Variants in ZNF280D observed in about 807,000 individuals in gnomAD.
The protein encoded by ZNF280D is suppressor of hairy wing homolog 4.
A neutral mutation model predicts 94.7 loss-of-function variants in ZNF280D; 39 were observed. The observed-to-expected ratio is 0.41, with a 90% CI of 0.32 to 0.54. ZNF280D has a LOEUF of 0.54. Among genes scored for constraint, ZNF280D ranks in the 20% least tolerant of loss-of-function variants. The pLI, the probability that ZNF280D is intolerant of heterozygous loss-of-function variation, is 0.22. For missense variants in ZNF280D, 1,090 were observed against 1,149.3 expected (o/e 0.95, Z 0.75); for synonymous variants, 398 against 377.6 (o/e 1.05, Z -0.63).
intron 1 of ZNF280D, among the ~76,000 whole-genome samples, chr15:56,715,021 G>A (rs1203315658): frequency 1.3e-5 from 2 of 151,944 alleles, no homozygotes; most frequent in Non-Finnish European, 2.9e-5. Context: ...AACTAAAAGT[G>A]GTACAGCAGA....
intron 9 of ZNF280D, among the ~76,000 whole-genome samples, chr15:56,688,463 A>G (rs1219989673): frequency 7.0e-6 from 1 of 142,972 alleles, no homozygotes; most frequent in Middle Eastern, 3.7e-3. Flanking sequence ...GCACTCCAGC[A>G]TGGGTGACAG....
intron 16 of ZNF280D, among the ~76,000 whole-genome samples, chr15:56,664,898 C>T (rs1348508916): frequency 6.6e-6 from 1 of 152,018 alleles, no homozygotes; most frequent in Admixed American, 6.6e-5. Flanking sequence ...ACAGATGATC[C>T]TGAGAGTAAG....
At chr15:56,733,205 C>A (rs1323802398) in intron 1 of ZNF280D, among the ~76,000 whole-genome samples, 1 of 152,166 alleles carries the variant, frequency 6.6e-6, no homozygotes, top group Admixed American at 6.5e-5. Context: ...GCCTGCGCGG[C>A]CCAGGCCTGC....
At chr15:56,682,577 T>C (rs897969891) in intron 9 of ZNF280D, 100 bp from the exon 10 acceptor site, 44 of 703,118 alleles carry the variant, frequency 6.3e-5, no homozygotes, top group Non-Finnish European at 9.5e-5. Context: ...GGCCAGACCA[T>C]TAAAACTATG....
At position 56,648,070 on chromosome 15, in the gene ZNF280D, A is replaced by T. The variant is rs529622821; in HGVS notation, c.2214-5073T>A. Among the ~76,000 whole-genome samples the T allele has an allele frequency of 3.3e-5, 5 of 152,200 alleles. No individual in the cohort carries two copies. The South Asian group carries it at 1.0e-3, about 32-fold the overall frequency. ...CCATTAAGCAATAGAAGGAGGATTA[A>T]ATGTGTGGGTTCTACTTCAAATTTC... is the stretch of plus-strand genomic sequence containing the variant. On this transcript the variant is annotated intron_variant, in intron 19 of 21. Coordinates refer to ENST00000267807, the MANE Select transcript of ZNF280D (RefSeq NM_017661.4).
chr15:56,723,720 C>G (rs7164949), intron 1 of ZNF280D, among the ~76,000 whole-genome samples: 1 of 152,126 alleles, frequency 6.6e-6, no homozygotes, highest in South Asian at 2.1e-4. Context: ...CCTCTCCATC[C>G]ACTCAATACT....
intron 1 of ZNF280D, among the ~76,000 whole-genome samples, chr15:56,718,059 G>A (rs2058141312): frequency 6.6e-6 from 1 of 151,962 alleles, no homozygotes; most frequent in Admixed American, 6.6e-5. Flanking sequence ...CCTTCTAGTG[G>A]AGGTATGTAA....
chr15:56,720,991 C>A (rs2058330517), intron 1 of ZNF280D, among the ~76,000 whole-genome samples: 1 of 142,406 alleles, frequency 7.0e-6, no homozygotes, highest in Non-Finnish European at 1.5e-5. Flanking sequence ...GGGACAGAGT[C>A]TCGCTCCATT....
At chr15:56,699,119 T>G (rs1358273747) in intron 6 of ZNF280D, 1 of 153,794 alleles carries the variant, frequency 6.5e-6, no homozygotes, top group African/African-American at 2.4e-5. Context: ...TGGCAAAATC[T>G]TATTTAAACT....
At chr15:56,651,897 T>C (rs1441614612) in intron 19 of ZNF280D, among the ~76,000 whole-genome samples, 3 of 152,214 alleles carry the variant, frequency 2.0e-5, no homozygotes, top group African/African-American at 7.2e-5. Context: ...CAATGTGGTT[T>C]ATCCTGCTTT....
intron 7 of ZNF280D, among the ~76,000 whole-genome samples, chr15:56,692,274 T>G (rs1307767153): frequency 2.0e-5 from 3 of 152,034 alleles, no homozygotes; most frequent in Non-Finnish European, 4.4e-5. Flanking sequence ...AAAAACAGTT[T>G]AAGTTTATAA....
chr15:56,729,773 C>G (rs1339891282), intron 1 of ZNF280D: 3 of 152,074 alleles, frequency 2.0e-5, no homozygotes, highest in African/African-American at 4.8e-5. Context: ...ACAATGATTT[C>G]TGCACAGATC....
intron 4 of ZNF280D, among the ~76,000 whole-genome samples, chr15:56,702,557 T>C (rs2057141587): frequency 6.6e-6 from 1 of 152,218 alleles, no homozygotes; most frequent in Non-Finnish European, 1.5e-5. Flanking sequence ...CTACAATCAG[T>C]ATAAATTCAC....
intron 17 of ZNF280D, among the ~76,000 whole-genome samples, chr15:56,656,583 T>A (rs2053568904): frequency 6.6e-6 from 1 of 152,214 alleles, no homozygotes; most frequent in South Asian, 2.1e-4. Flanking sequence ...TTAAAAGTAG[T>A]ACTAACATTT....
chr15:56,632,768 T>A (rs1329834974), intron 21 of ZNF280D, among the ~76,000 whole-genome samples: 1 of 152,028 alleles, frequency 6.6e-6, no homozygotes, highest in Non-Finnish European at 1.5e-5. Context: ...GGATTACAGG[T>A]ATGAGCCACC....
chr15:56,686,938 G>A (rs904987376), intron 9 of ZNF280D, among the ~76,000 whole-genome samples: 1 of 152,000 alleles, frequency 6.6e-6, no homozygotes, highest in Non-Finnish European at 1.5e-5. Context: ...AATTATTGTA[G>A]AATATTTGAT....
chr15:56,694,109 TA>T, intron 6 of ZNF280D, among the ~76,000 whole-genome samples: 1 of 151,986 alleles, frequency 6.6e-6, no homozygotes, highest in South Asian at 2.1e-4. Flanking sequence ...TGGTCCAAAC[TA>T]AAAGGAAGAT....
intron 21 of ZNF280D, chr15:56,633,965 T>C (rs1035276392): frequency 1.3e-5 from 2 of 152,186 alleles, no homozygotes; most frequent in African/African-American, 4.8e-5. Flanking sequence ...TATTATTTTT[T>C]ATCATGGAAA....
chr15:56,669,348 G>C (rs528839821), intron 13 of ZNF280D, among the ~76,000 whole-genome samples: 1 of 151,818 alleles, frequency 6.6e-6, no homozygotes, highest in East Asian at 1.9e-4. Context: ...TTGAAAAGTT[G>C]GTAAAATAAA....
Sources: gnomAD v4.1 joint callset for allele counts (sites outside exome capture counted in the v4.1 genomes callset) on GRCh38, gnomAD v4.1.1 for gene constraint, MANE v1.5 for transcripts, NCBI Gene and HGNC (gene_info 2026-07-23, HGNC 2026-07-21) for gene names.